The following RABGAP1 variants were observed in gnomAD, a reference collection of about 807,000 sequenced individuals.
The protein encoded by RABGAP1 is rab GTPase-activating protein 1.
RABGAP1 carries 23 observed loss-of-function variants against 137.6 expected under a neutral mutation model. The ratio of observed to expected loss-of-function variants is 0.17; its 90% CI spans 0.12 to 0.24. The LOEUF (loss-of-function observed/expected upper bound fraction) is 0.24. Ranked by LOEUF, RABGAP1 falls within the 10% of genes least tolerant of loss-of-function variation. RABGAP1 has a pLI of 1.00. For synonymous variants in RABGAP1, 451 were observed against 450.7 expected, an observed-to-expected ratio of 1.00 and a Z score of -0.01; for missense variants, 906 against 1,275.8, an observed-to-expected ratio of 0.71 and a Z score of 4.42.
chr9:123,020,977 C>G, intron 13 of RABGAP1: 1 of 754,342 alleles, frequency 1.3e-6, no homozygotes, highest in Non-Finnish European at 1.6e-6. Flanking sequence ...GCAAGCAAAA[C>G]AAGAAAAACT....
At chr9:122,968,993 TCTAA>T (rs963112289) in intron 2 of RABGAP1, among the ~76,000 whole-genome samples, 21 of 152,344 alleles carry the variant, frequency 1.4e-4, no homozygotes, top group African/African-American at 4.8e-4. Context: ...TCTTATTCTT[TCTAA>T]CTATGATTTG....
intron 17 of RABGAP1, 106 bp downstream of exon 17, chr9:123,074,534 A>C (rs1012797700): frequency 7.9e-5 from 99 of 1,246,290 alleles, no homozygotes; most frequent in Non-Finnish European, 1.0e-4. Context: ...TGGTCTCTTT[A>C]ATTATTTTAT....
chr9:123,055,482 T>G (rs1311939436), intron 13 of RABGAP1, among the ~76,000 whole-genome samples: 1 of 152,106 alleles, frequency 6.6e-6, no homozygotes, highest in Admixed American at 6.5e-5. Flanking sequence ...TCCTCCTGCC[T>G]TGGCTTCCTA....
intron 14 of RABGAP1, among the ~76,000 whole-genome samples, chr9:123,066,672 C>G (rs572930724): frequency 6.6e-6 from 1 of 152,180 alleles, no homozygotes; most frequent in Non-Finnish European, 1.5e-5. Context: ...CCTGGGTGAT[C>G]CCTTCTACCC....
At chr9:123,017,030 C>G (rs979179338) in intron 12 of RABGAP1, among the ~76,000 whole-genome samples, 1 of 152,166 alleles carries the variant, frequency 6.6e-6, no homozygotes, top group Non-Finnish European at 1.5e-5. Context: ...TGCAAAAAAA[C>G]CAGAGTAATA....
intron 24 of RABGAP1, 119 bp downstream of exon 24, chr9:123,099,668 C>T (rs1482470922): frequency 7.5e-6 from 6 of 798,860 alleles, no homozygotes; most frequent in East Asian, 2.7e-5. Context: ...CAATAAGGCA[C>T]CTGTCACAGG....
chr9:123,035,550 T>A (rs749496406), intron 13 of RABGAP1: 3 of 1,613,600 alleles, frequency 1.9e-6, no homozygotes, highest in Non-Finnish European at 2.5e-6. Flanking sequence ...CTTGTGCAAG[T>A]CAGACTACAG....
chr9:123,060,231 C>G (rs1433398988), intron 13 of RABGAP1, among the ~76,000 whole-genome samples: 1 of 152,144 alleles, frequency 6.6e-6, no homozygotes, highest in East Asian at 1.9e-4. Context: ...TGTGTAAACA[C>G]CAAAGAAAAT....
intron 10 of RABGAP1, among the ~76,000 whole-genome samples, chr9:123,002,082 A>G (rs1023616404): frequency 6.6e-6 from 1 of 152,138 alleles, no homozygotes; most frequent in Non-Finnish European, 1.5e-5. Context: ...CTGGCGGATC[A>G]CCTGAGGTTG....
At chr9:123,012,502 C>T (rs2030891442) in intron 11 of RABGAP1, among the ~76,000 whole-genome samples, 1 of 152,190 alleles carries the variant, frequency 6.6e-6, no homozygotes, top group African/African-American at 2.4e-5. Flanking sequence ...CTAAAGGTTC[C>T]TCAGGACTGG....
chr9:122,950,377 C>CTTTTTTTTTTTTTTTTTTTTTTTG (rs200424486), intron 1 of RABGAP1, among the ~76,000 whole-genome samples: 1 of 74,492 alleles, frequency 1.3e-5, no homozygotes, highest in African/African-American at 5.3e-5. Flanking sequence ...CTTTTTCTTT[C>CTTTTTTTTTTTTTTTTTTTTTTTG]TTTTTTTTTT....
Position 123,103,784 on chromosome 9 carries a change from A to G in RABGAP1, c.*571A>G, listed in dbSNP as rs2035416494. The stretch of plus-strand genomic sequence containing the variant: ...ATCTGAAGCCACCTGGTTCTGTTAA[A>G]CTGTATGGTGCAGGTTTTGGGTTTG... On this transcript the variant is annotated 3_prime_UTR_variant, in exon 26 of 26. Coordinates refer to ENST00000373647, the MANE Select transcript of RABGAP1 (RefSeq NM_012197.4). The G allele has an allele frequency of 1.3e-5, 2 of 150,186 alleles. No homozygotes were observed. The highest frequency in any genetic ancestry group is 4.3e-4 in the South Asian group (2 of 4,676). The allele number at this position is 150,186 out of a possible 1,614,324, so 9.3% of individuals were successfully genotyped here.
At chr9:122,957,374 A>G (rs1400793429) in intron 2 of RABGAP1, among the ~76,000 whole-genome samples, 165 bp downstream of exon 2, 7 of 152,176 alleles carry the variant, frequency 4.6e-5, no homozygotes, top group African/African-American at 1.7e-4. Context: ...TTTGTATTTG[A>G]TTAAAGATTT....
chr9:122,996,910 A>C, intron 8 of RABGAP1: 1 of 475,028 alleles, frequency 2.1e-6, no homozygotes, highest in Non-Finnish European at 3.9e-6. Context: ...ACTGTCGTGT[A>C]TCTTACCAAT....
At chr9:123,003,286 CTG>C (rs1308905030) in intron 10 of RABGAP1, among the ~76,000 whole-genome samples, 1 of 152,146 alleles carries the variant, frequency 6.6e-6, no homozygotes, top group Non-Finnish European at 1.5e-5. Context: ...GATGAGGAAA[CTG>C]AGATCCAAAG....
At chr9:123,098,691 C>T (rs763297915) in intron 22 of RABGAP1, 24 bp from the exon 23 acceptor site, 2 of 1,598,728 alleles carry the variant, frequency 1.3e-6, no homozygotes, top group South Asian at 2.2e-5. Flanking sequence ...TAACATAGTC[C>T]CTTTTGTTTT....
chr9:122,933,258 T>C, the RABGAP1 span, among the ~76,000 whole-genome samples: 319 of 152,076 alleles, frequency 2.1e-3, 1 homozygote, highest in Non-Finnish European at 2.4e-3. Flanking sequence ...TGAGAGTCTG[T>C]TCCTAGCGAG....
intron 10 of RABGAP1, among the ~76,000 whole-genome samples, chr9:123,005,625 A>G (rs2030178876): frequency 1.3e-5 from 2 of 152,132 alleles, no homozygotes; most frequent in African/African-American, 4.8e-5. Flanking sequence ...GTACTGTCCT[A>G]TTTGGATGAA....
chr9:122,939,743 A>G (rs1231051473), upstream of RABGAP1: 1 of 152,158 alleles, frequency 6.6e-6, no homozygotes, highest in African/African-American at 2.4e-5. Context: ...CTTGAAATGG[A>G]TATTTTGTAA....
Sources: gnomAD v4.1 joint callset for allele counts (sites outside exome capture counted in the v4.1 genomes callset) on GRCh38, gnomAD v4.1.1 for gene constraint, MANE v1.5 for transcripts, NCBI Gene and HGNC (gene_info 2026-07-23, HGNC 2026-07-21) for gene names.